CSRP1: variants seen among roughly 807,000 people sequenced by gnomAD.
The protein encoded by CSRP1 is cysteine and glycine rich protein 1.
Under a neutral mutation model 25.4 loss-of-function variants are expected in CSRP1, and 16 were observed. That is an observed-to-expected ratio of 0.63 (90% confidence interval 0.43 to 0.96). CSRP1 has a LOEUF of 0.96. CSRP1 is among the 40% of genes least tolerant of loss of function. The probability of loss-of-function intolerance (pLI) is 0.00; values close to 1 mark genes in which losing one functional copy is unlikely to be tolerated. For synonymous variants in CSRP1, 97 were observed against 95.3 expected, an observed-to-expected ratio of 1.02 and a Z score of -0.10; for missense variants, 212 against 243.6, an observed-to-expected ratio of 0.87 and a Z score of 0.86.
intron 5 of CSRP1, among the ~76,000 whole-genome samples, 167 bp downstream of exon 5, chr1:201,485,116 C>T (rs934967238): frequency 6.6e-6 from 1 of 151,852 alleles, no homozygotes; most frequent in Non-Finnish European, 1.5e-5. Context: ...AAGTTGCTTT[C>T]CCCCTCTGGT....
Position 201,484,461 on chromosome 1 carries a change from T to C in CSRP1, c.*252A>G. ...GCGAGGTGTGGGGAGAGGGGCCTGCTCTCACCTAGACCCAAAACACTGAGG... is the reference window on the plus strand; with the variant it reads ...GCGAGGTGTGGGGAGAGGGGCCTGCCCTCACCTAGACCCAAAACACTGAGG... On this transcript the variant is annotated 3_prime_UTR_variant, in exon 6 of 6. Transcript: ENST00000340006. The C allele has an allele frequency of 3.6e-6, 2 of 562,960 alleles. No homozygotes were observed. Among genetic ancestry groups the C allele is most frequent in the Non-Finnish European group, 6.3e-6 (2 of 315,656 alleles). 34.9% of individuals were successfully genotyped at this position (562,960 alleles called of 1,614,324 possible).
At chr1:201,499,694 C>A (rs1664609979) in intron 1 of CSRP1, among the ~76,000 whole-genome samples, 1 of 152,214 alleles carries the variant, frequency 6.6e-6, no homozygotes, top group Non-Finnish European at 1.5e-5. Flanking sequence ...CTGCTCACTG[C>A]AACCTCCATC....
Position 201,507,069 on chromosome 1 carries a change from C to T in CSRP1, c.-2+1G>A, listed in dbSNP as rs1664847577. ...AGCCGCGCGACTCAGGGCGCACTCACCTGGCAGCTGGCTCGGCGGCGCAGG... is the reference window on the plus strand; with the variant it reads ...AGCCGCGCGACTCAGGGCGCACTCATCTGGCAGCTGGCTCGGCGGCGCAGG... On this transcript the variant is annotated splice_donor_variant, in intron 1 of 5. Transcript: ENST00000340006. LOFTEE classifies it low-confidence loss of function (5UTR_SPLICE). 1 of 152,266 alleles carries T rather than the reference C, an allele frequency of 6.6e-6. No individual in the cohort carries two copies. Among genetic ancestry groups the T allele is most frequent in the Non-Finnish European group, 1.5e-5 (1 of 68,070 alleles). The allele number at this position is 152,266 out of a possible 1,614,324, so 9.4% of individuals were successfully genotyped here.
intron 1 of CSRP1, among the ~76,000 whole-genome samples, chr1:201,502,605 G>C (rs182767372): frequency 6.6e-6 from 1 of 152,150 alleles, no homozygotes; most frequent in African/African-American, 2.4e-5. Context: ...CACATGACCC[G>C]CCTCTCTGAA....
At chr1:201,494,701 CTT>C (rs1474956578) in intron 2 of CSRP1, among the ~76,000 whole-genome samples, 1 of 152,168 alleles carries the variant, frequency 6.6e-6, no homozygotes, top group African/African-American at 2.4e-5. Context: ...AATCATGAAA[CTT>C]TGCTTCGTGT....
At chr1:201,506,425 G>A (rs1664828031) in intron 1 of CSRP1, among the ~76,000 whole-genome samples, 1 of 152,236 alleles carries the variant, frequency 6.6e-6, no homozygotes, top group Non-Finnish European at 1.5e-5. Flanking sequence ...TCAGAGGGCT[G>A]ATTGTTAGCT....
chr1:201,486,794 C>G, intron 4 of CSRP1: 1 of 1,060,798 alleles, frequency 9.4e-7, no homozygotes, highest in Non-Finnish European at 1.2e-6. Context: ...ACCTTTTCCA[C>G]TTGAATGCAA....
rs914359331 is a variant in CSRP1 at position 201,496,129 on chromosome 1, C to A, written c.112+63G>T. The A allele has an allele frequency of 3.1e-6, 4 of 1,302,578 alleles. No homozygotes were observed. In the East Asian group the frequency reaches 9.2e-5, roughly 30 times the overall value. The allele number at this position is 1,302,578 out of a possible 1,614,324, so 80.7% of individuals were successfully genotyped here. A position where few individuals can be genotyped will look rare whatever the true frequency, so the allele number is the denominator to read the frequency against. On this transcript the variant is annotated intron_variant, in intron 2 of 5. Coordinates refer to ENST00000340006, the MANE Select transcript of CSRP1 (RefSeq NM_004078.3). ...TCCCTGGGGTGTTGACAGGCCCAGC[C>A]TGTGGGGGCAGGCCCGTCCAGGGTG...
At chr1:201,495,049 G>A (rs984836151) in intron 2 of CSRP1, among the ~76,000 whole-genome samples, 6 of 152,136 alleles carry the variant, frequency 3.9e-5, no homozygotes, top group Non-Finnish European at 7.3e-5. Context: ...AATAAACACC[G>A]AATCTTTTTT....
At position 201,496,369 on chromosome 1, in the gene CSRP1, C is replaced by T. The variant is rs375945393; in HGVS notation, c.-1-65G>A. Reference sequence around the variant, plus strand: ...AGATGGAAACATCTCAGATTGTCCACGACAGAAATGCAACAGCCAGATCCA... The same window carrying T: ...AGATGGAAACATCTCAGATTGTCCATGACAGAAATGCAACAGCCAGATCCA... On this transcript the variant is annotated intron_variant, in intron 1 of 5. Coordinates refer to ENST00000340006, the MANE Select transcript of CSRP1 (RefSeq NM_004078.3). 1.9e-5 allele frequency: 25 copies of T among 1,313,334 alleles called. 1 individual carries two copies. The highest frequency in any genetic ancestry group is 1.2e-4 in the African/African-American group (8 of 69,122). 81.4% of individuals were successfully genotyped at this position (1,313,334 alleles called of 1,614,324 possible).
At chr1:201,501,523 G>A (rs140705083) in intron 1 of CSRP1, among the ~76,000 whole-genome samples, 71 of 152,310 alleles carry the variant, frequency 4.7e-4, no homozygotes, top group Non-Finnish European at 8.7e-4. Flanking sequence ...AGCCTGCTGT[G>A]TCTGCTGCTG....
chr1:201,485,435 C>T, intron 4 of CSRP1, 59 bp from the exon 5 acceptor site: 1 of 1,458,520 alleles, frequency 6.9e-7, no homozygotes, highest in East Asian at 2.3e-5. Flanking sequence ...CCCTCCACCC[C>T]AGGCCCACTC....
intron 4 of CSRP1, chr1:201,487,388 G>C (rs1664183268): frequency 1.3e-5 from 2 of 152,142 alleles, no homozygotes; most frequent in Admixed American, 1.3e-4. Context: ...TAGGTGACAA[G>C]TGTGAAATTC....
intron 2 of CSRP1, chr1:201,491,473 G>C (rs1205457764): frequency 6.6e-6 from 1 of 152,072 alleles, no homozygotes; most frequent in Non-Finnish European, 1.5e-5. Context: ...CCAAAAGCTG[G>C]TGGTGAGAAT....
chr1:201,486,395 A>C, intron 4 of CSRP1: 4 of 985,608 alleles, frequency 4.1e-6, no homozygotes, highest in Non-Finnish European at 4.8e-6. Flanking sequence ...AGACAAAACA[A>C]GGCCTTTTAA....
chr1:201,489,204 C>T, intron 3 of CSRP1: 2 of 465,556 alleles, frequency 4.3e-6, no homozygotes, highest in Admixed American at 3.5e-5. Context: ...TCATACTTCC[C>T]TCGGTCACCC....
intron 1 of CSRP1, 143 bp from the exon 2 acceptor site, chr1:201,496,447 G>A (rs1664518172): frequency 1.5e-6 from 1 of 688,354 alleles, no homozygotes; most frequent in Admixed American, 2.2e-5. Context: ...GCCTGGCAGA[G>A]CACTTTCTGC....
At position 201,490,249 on chromosome 1, in the gene CSRP1, C is replaced by G. The variant is rs1384301671; in HGVS notation, c.208G>C (p.Gly70Arg). The change falls in exon 3 of 6, where the codon GGC (glycine) becomes CGC (arginine). Residue 70 changes from glycine to arginine, a missense_variant. Coordinates refer to ENST00000340006, the MANE Select transcript of CSRP1 (RefSeq NM_004078.3). ...SCYGKKYGPK[G>R]YGYGQGAGTL... ...CCTGCGCCCTGCCCGTAGCCATAGC[C>G]TTTGGGCCCATACTTCTTGCCGTAG... 5.0e-6 allele frequency: 8 copies of G among 1,614,066 alleles called. No individual in the cohort carries two copies. The highest frequency in any genetic ancestry group is 6.8e-6 in the Non-Finnish European group (8 of 1,180,046).
intron 1 of CSRP1, among the ~76,000 whole-genome samples, chr1:201,505,726 T>A (rs61819661): frequency 0.59 from 89,918 of 152,106 alleles, 28,341 homozygotes; most frequent in Non-Finnish European, 0.71. Flanking sequence ...AAAGCTGCCC[T>A]CCAGCAGCTG....
Sources: allele counts gnomAD v4.1 joint callset (sites outside exome capture counted in the v4.1 genomes callset), GRCh38; gene constraint gnomAD v4.1.1; transcripts MANE v1.5; gene names NCBI Gene and HGNC (gene_info 2026-07-23, HGNC 2026-07-21).